Variants in UST observed in about 807,000 individuals in gnomAD.
UST encodes the protein chondroitin sulfate 2-O-sulfotransferase.
UST carries 21 observed loss-of-function variants against 45.6 expected under a neutral mutation model. The ratio of observed to expected loss-of-function variants is 0.46; its 90% confidence interval spans 0.33 to 0.66. The LOEUF is 0.66. Among genes scored for constraint, UST ranks in the 30% least tolerant of loss-of-function variants. UST has a pLI of 0.02. For synonymous variants in UST, 215 were observed against 200.6 expected, an observed-to-expected ratio of 1.07 and a Z score of -0.61; for missense variants, 463 against 512.4, an observed-to-expected ratio of 0.90 and a Z score of 0.93.
intron 1 of UST, among the ~76,000 whole-genome samples, chr6:148,777,034 C>A (rs188679207): frequency 3.3e-5 from 5 of 152,280 alleles, no homozygotes; most frequent in Admixed American, 3.3e-4. Flanking sequence ...ATTCAGGGAG[C>A]AAATACAGAA....
chr6:148,775,861 A>C (rs989107143), intron 1 of UST, among the ~76,000 whole-genome samples: 10 of 151,726 alleles, frequency 6.6e-5, no homozygotes, highest in African/African-American at 2.4e-4. Context: ...CGAACTCCTG[A>C]CCTCAGGAAA....
intron 6 of UST, 131 bp from the exon 7 acceptor site, chr6:149,021,193 C>A: frequency 1.0e-6 from 1 of 1,002,436 alleles, no homozygotes; most frequent in Non-Finnish European, 1.5e-6. Context: ...TACATCTGGG[C>A]TGGTCCTTGA....
At chr6:148,853,434 A>G (rs1235366453) in intron 1 of UST, among the ~76,000 whole-genome samples, 2 of 152,210 alleles carry the variant, frequency 1.3e-5, no homozygotes, top group Admixed American at 1.3e-4. Context: ...ATATACAGAT[A>G]TCTTTATAAT....
chr6:149,019,923 G>A (rs182413592), intron 6 of UST, among the ~76,000 whole-genome samples: 8 of 152,278 alleles, frequency 5.3e-5, no homozygotes, highest in East Asian at 1.9e-4. Flanking sequence ...TGCTTCTGGC[G>A]TAGCTATAGT....
chr6:148,847,261 G>C (rs1778008506), intron 1 of UST, among the ~76,000 whole-genome samples: 1 of 152,212 alleles, frequency 6.6e-6, no homozygotes, highest in Admixed American at 6.5e-5. Context: ...TGCTTCACAA[G>C]GCTACAGTCA....
At chr6:148,969,106 G>T (rs1166379853) in intron 5 of UST, among the ~76,000 whole-genome samples, 1 of 152,168 alleles carries the variant, frequency 6.6e-6, no homozygotes, top group Non-Finnish European at 1.5e-5. Flanking sequence ...GAAAGTTTTG[G>T]ACTCTGAATG....
At chr6:148,821,026 G>A (rs531889635) in intron 1 of UST, among the ~76,000 whole-genome samples, 82 of 124,560 alleles carry the variant, frequency 6.6e-4, no homozygotes, top group Non-Finnish European at 1.1e-3. Context: ...CTGGAGTGCA[G>A]TGGCATGATC....
At chr6:148,782,536 C>A (rs1412657767) in intron 1 of UST, among the ~76,000 whole-genome samples, 1 of 152,088 alleles carries the variant, frequency 6.6e-6, no homozygotes, top group Non-Finnish European at 1.5e-5. Flanking sequence ...CTGCAACCTC[C>A]ACCTCCTGGG....
intron 1 of UST, among the ~76,000 whole-genome samples, chr6:148,777,160 C>G (rs1776550660): frequency 6.6e-6 from 1 of 152,180 alleles, no homozygotes; most frequent in South Asian, 2.1e-4. Flanking sequence ...GGCTCACTTA[C>G]CGCACTTAAA....
chr6:149,055,113 T>C (rs888294361), intron 7 of UST, among the ~76,000 whole-genome samples: 2 of 152,134 alleles, frequency 1.3e-5, no homozygotes, highest in African/African-American at 4.8e-5. Context: ...AATAAATCAT[T>C]TGGTAGAAGC....
At position 149,014,798 on chromosome 6, in the gene UST, A is replaced by C. The variant is rs76289314; in HGVS notation, c.682-4341A>C. On this transcript the variant is annotated intron_variant, in intron 5 of 7. Coordinates refer to ENST00000367463, the MANE Select transcript of UST (RefSeq NM_005715.3). ...TCTCAGAGTCACCAGAGTTTCTTTCAAATGCAGATTCCTGGCCCTGCATAT... is the reference window on the plus strand; with the variant it reads ...TCTCAGAGTCACCAGAGTTTCTTTCCAATGCAGATTCCTGGCCCTGCATAT... 6.7e-3 allele frequency among the ~76,000 whole-genome samples: 1,025 copies of C among 152,302 alleles called. 12 individuals carry two copies. Among genetic ancestry groups the C allele is most frequent in the African/African-American group, 0.024 (983 of 41,566 alleles).
chr6:148,878,263 A>AGATCGTGTATGAGTGCGGGG (rs1778742095), intron 1 of UST, among the ~76,000 whole-genome samples: 1 of 34,284 alleles, frequency 2.9e-5, no homozygotes, highest in Non-Finnish European at 5.2e-5. Context: ...ATGAGTGCGG[A>AGATCGTGTATGAGTGCGGGG]GATCGTGTAT....
intron 2 of UST, among the ~76,000 whole-genome samples, chr6:148,904,874 G>T (rs904966865): frequency 2.0e-5 from 3 of 152,134 alleles, no homozygotes; most frequent in African/African-American, 7.2e-5. Context: ...CTCCTGCTCA[G>T]ATTCCCCATC....
intron 1 of UST, among the ~76,000 whole-genome samples, chr6:148,759,527 A>AAAAT (rs541749652): frequency 2.7e-5 from 4 of 149,702 alleles, no homozygotes; most frequent in Non-Finnish European, 4.4e-5. Flanking sequence ...ACTCCATCCC[A>AAAAT]AAATAAATAA....
intron 3 of UST, among the ~76,000 whole-genome samples, chr6:148,948,165 A>G (rs1416106957): frequency 6.6e-6 from 1 of 152,190 alleles, no homozygotes; most frequent in Non-Finnish European, 1.5e-5. Flanking sequence ...CTGTGGGAAG[A>G]GGGAAGGGTC....
Position 148,981,025 on chromosome 6 carries a change from G to A in UST, c.681+16462G>A, listed in dbSNP as rs1364506213. On this transcript the variant is annotated intron_variant, in intron 5 of 7. Transcript: ENST00000367463. ...AAGGCATGAGTCACCACACCTGGCCGGAAAGACCACCTTTGTCTTTTTTCT... is the reference window on the plus strand; with the variant it reads ...AAGGCATGAGTCACCACACCTGGCCAGAAAGACCACCTTTGTCTTTTTTCT... Among the ~76,000 whole-genome samples the A allele has an allele frequency of 2.0e-5, 3 of 151,948 alleles. 1 individual carries two copies. Among genetic ancestry groups the A allele is most frequent in the Non-Finnish European group, 2.9e-5 (2 of 67,970 alleles).
chr6:148,981,032 C>A (rs1433230218), intron 5 of UST, among the ~76,000 whole-genome samples: 2 of 152,062 alleles, frequency 1.3e-5, no homozygotes, highest in African/African-American at 4.8e-5. Flanking sequence ...GCCGGAAAGA[C>A]CACCTTTGTC....
At chr6:148,963,959 G>A (rs779355164) in intron 4 of UST, among the ~76,000 whole-genome samples, 6 of 152,162 alleles carry the variant, frequency 3.9e-5, no homozygotes, top group Non-Finnish European at 7.3e-5. Context: ...AGGAAGTGCC[G>A]TCTCACCCAG....
intron 1 of UST, among the ~76,000 whole-genome samples, chr6:148,835,461 G>A (rs1403374673): frequency 6.6e-6 from 1 of 152,170 alleles, no homozygotes; most frequent in Admixed American, 6.5e-5. Context: ...CAGAGAGTCT[G>A]TGTCTTAATC....
Sources: gnomAD v4.1 joint callset for allele counts (sites outside exome capture counted in the v4.1 genomes callset) on GRCh38, gnomAD v4.1.1 for gene constraint, MANE v1.5 for transcripts, NCBI Gene and HGNC (gene_info 2026-07-23, HGNC 2026-07-21) for gene names.